The following CDC42BPA variants were observed in gnomAD, a reference collection of about 807,000 sequenced individuals.
The protein encoded by CDC42BPA is CDC42 binding protein kinase alpha, also known as serine/threonine-protein kinase MRCK alpha.
A neutral mutation model predicts 223.5 loss-of-function variants in CDC42BPA; 80 were observed. The ratio of observed to expected loss-of-function variants is 0.36; its 90% CI spans 0.30 to 0.43. The LOEUF (loss-of-function observed/expected upper bound fraction) is 0.43. Among genes scored for constraint, CDC42BPA ranks in the 20% least tolerant of loss-of-function variants. CDC42BPA has a pLI of 1.00. For missense variants in CDC42BPA, 1,743 were observed against 2,099.9 expected (o/e 0.83, Z 3.32); for synonymous variants, 694 against 718.6 (o/e 0.97, Z 0.55).
chr1:227,022,600 G>A lies in CDC42BPA; in HGVS notation c.4615+663C>T, dbSNP rs142318543. Among the ~76,000 whole-genome samples the A allele has an allele frequency of 1.3e-3, 192 of 152,240 alleles. 1 individual carries two copies. The highest frequency in any genetic ancestry group is 2.3e-3 in the Non-Finnish European group (154 of 68,022). ...AGAAGAGGGCACTATAATAATGTTCGTTAAAAGTGAGACTTTAACTGTTTG... is the reference window on the plus strand; with the variant it reads ...AGAAGAGGGCACTATAATAATGTTCATTAAAAGTGAGACTTTAACTGTTTG... On this transcript the variant is annotated intron_variant, in intron 32 of 36. Transcript: ENST00000366766.
At chr1:227,239,855 G>A (rs1679722702) in intron 2 of CDC42BPA, among the ~76,000 whole-genome samples, 1 of 152,036 alleles carries the variant, frequency 6.6e-6, no homozygotes, top group South Asian at 2.1e-4. Flanking sequence ...CCTCAGTTCA[G>A]GAATAAGGTA....
intron 5 of CDC42BPA, among the ~76,000 whole-genome samples, chr1:227,179,091 T>C (rs1667461533): frequency 1.3e-5 from 2 of 152,218 alleles, no homozygotes; most frequent in South Asian, 2.1e-4. Context: ...CCGCGTGTTA[T>C]ATGATTTCAT....
chr1:227,080,991 A>G lies in CDC42BPA; in HGVS notation c.2382T>C (p.Ser794=). ...CTTCTTCTAACTGCTGGTTGTGTAT[A>G]CTTAAGTTCTCATACAAAGTAGTAA... is the stretch of plus-strand genomic sequence containing the variant. ...DKLTTLYENL[S]IHNQQLEEEV... The change falls in exon 17 of 37, where the codon AGT becomes AGC. Residue 794 remains serine (S), a synonymous_variant. Coordinates refer to ENST00000366766, the MANE Select transcript of CDC42BPA (RefSeq NM_001394014.1). 1 of 1,613,584 alleles carries G rather than the reference A, an allele frequency of 6.2e-7. No individual in the cohort carries two copies. Among genetic ancestry groups the G allele is most frequent in the Non-Finnish European group, 8.5e-7 (1 of 1,179,710 alleles).
intron 2 of CDC42BPA, among the ~76,000 whole-genome samples, chr1:227,242,113 CTGTAA>C (rs1040738291): frequency 6.6e-6 from 1 of 152,008 alleles, no homozygotes; most frequent in Non-Finnish European, 1.5e-5. Context: ...TTCTATAGTA[CTGTAA>C]TATTGGTATA....
intron 2 of CDC42BPA, among the ~76,000 whole-genome samples, chr1:227,246,288 T>G (rs938447538): frequency 6.6e-6 from 1 of 152,226 alleles, no homozygotes; most frequent in Non-Finnish European, 1.5e-5. Flanking sequence ...AGCACAGACG[T>G]AGTAAAAATA....
At chr1:227,166,819 AG>A (rs1287087265) in intron 5 of CDC42BPA, among the ~76,000 whole-genome samples, 17 of 152,262 alleles carry the variant, frequency 1.1e-4, no homozygotes, top group African/African-American at 3.4e-4. Flanking sequence ...TGAGTAAAGA[AG>A]GCTCTTAATT....
At chr1:227,106,628 A>C (rs1228103723) in intron 14 of CDC42BPA, among the ~76,000 whole-genome samples, 1 of 152,086 alleles carries the variant, frequency 6.6e-6, no homozygotes, top group African/African-American at 2.4e-5. Flanking sequence ...GATTGGTGTT[A>C]ATTCTTCTTT....
At chr1:227,037,995 T>C (rs754236874) in intron 24 of CDC42BPA, among the ~76,000 whole-genome samples, 10 of 152,174 alleles carry the variant, frequency 6.6e-5, no homozygotes, top group Non-Finnish European at 1.5e-4. Context: ...GTGAAATCAT[T>C]GATGCTTTAC....
At chr1:227,278,960 C>G (rs1297432876) in intron 1 of CDC42BPA, among the ~76,000 whole-genome samples, 1 of 151,104 alleles carries the variant, frequency 6.6e-6, no homozygotes, top group Non-Finnish European at 1.5e-5. Context: ...AGGCTTAAAA[C>G]CAATAACATC....
intron 5 of CDC42BPA, among the ~76,000 whole-genome samples, chr1:227,165,189 C>T (rs1664814317): frequency 6.6e-6 from 1 of 152,098 alleles, no homozygotes; most frequent in South Asian, 2.1e-4. Flanking sequence ...CCCTCCAGAA[C>T]TACAGTAAAA....
intron 20 of CDC42BPA, among the ~76,000 whole-genome samples, chr1:227,070,823 A>G (rs1289304228): frequency 6.6e-6 from 1 of 151,754 alleles, no homozygotes; most frequent in Non-Finnish European, 1.5e-5. Context: ...GCTGTGGTAA[A>G]CATGCCTTCA....
At chr1:227,214,311 A>G (rs1034984345) in intron 2 of CDC42BPA, among the ~76,000 whole-genome samples, 1 of 152,188 alleles carries the variant, frequency 6.6e-6, no homozygotes, top group Non-Finnish European at 1.5e-5. Flanking sequence ...CCATATAATT[A>G]CAGTAAGTGT....
intron 22 of CDC42BPA, among the ~76,000 whole-genome samples, chr1:227,049,951 G>GAGA (rs111902545): frequency 0.28 from 42,947 of 151,758 alleles, 6,261 homozygotes; most frequent in African/African-American, 0.35. Context: ...TCTCTGCATA[G>GAGA]AGAACTGTTT....
Position 227,271,267 on chromosome 1 carries a change from G to C in CDC42BPA, c.179-17112C>G, listed in dbSNP as rs12409607. Among the ~76,000 whole-genome samples the C allele has an allele frequency of 2.4e-3, 364 of 152,222 alleles. 5 individuals are homozygous for C. Among genetic ancestry groups the C allele is most frequent in the Non-Finnish European group, 3.9e-3 (265 of 68,010 alleles). On this transcript the variant is annotated intron_variant, in intron 1 of 36. Transcript: ENST00000366766. The stretch of plus-strand genomic sequence containing the variant: ...GAGCAAGATCTAATGGTGAGCTAAT[G>C]ACACAGCTAAAGAAAGTACGTGGCC...
intron 2 of CDC42BPA, among the ~76,000 whole-genome samples, chr1:227,253,206 AAGAGAGAGGAG>A (rs1359229616): frequency 1.3e-5 from 2 of 151,928 alleles, no homozygotes; most frequent in Admixed American, 6.6e-5. Context: ...GAGACAAGAG[AAGAGAGAGGAG>A]AGAGAGAGGA....
At chr1:227,259,732 T>C (rs1484858616) in intron 1 of CDC42BPA, among the ~76,000 whole-genome samples, 1 of 151,102 alleles carries the variant, frequency 6.6e-6, no homozygotes, top group African/African-American at 2.5e-5. Flanking sequence ...ATGACACTGC[T>C]AGCTCAGAGA....
intron 30 of CDC42BPA, among the ~76,000 whole-genome samples, chr1:227,026,382 T>C (rs1668257605): frequency 6.6e-6 from 1 of 152,194 alleles, no homozygotes; most frequent in Non-Finnish European, 1.5e-5. Context: ...TATAGACGGA[T>C]TCTGTAAACA....
chr1:227,132,415 A>C (rs1259465323), intron 10 of CDC42BPA, among the ~76,000 whole-genome samples: 2 of 150,384 alleles, frequency 1.3e-5, no homozygotes, highest in Non-Finnish European at 3.0e-5. Flanking sequence ...TTGCAGACGG[A>C]GTCTCGTTCA....
In CDC42BPA at chr1:227,297,961, TAC is replaced by T. The variant is rs202216465; in HGVS notation, c.178+19042_178+19043del. Among the ~76,000 whole-genome samples, 379 of 96,068 alleles carry T rather than the reference TAC, an allele frequency of 3.9e-3. 9 individuals carry two copies. In the East Asian group the frequency reaches 0.081, roughly 21 times the overall value. The allele number at this position is 96,068 out of a possible 152,430, so 63.0% of individuals were successfully genotyped here. On this transcript the variant is annotated intron_variant, in intron 1 of 36. Coordinates refer to ENST00000366766, the MANE Select transcript of CDC42BPA (RefSeq NM_001394014.1). ...TTTTATGTGTGTGTGTGTGTATATA[TAC>T]ATATACACACACACACACATATATA...
Sources: gnomAD v4.1 joint callset for allele counts (sites outside exome capture counted in the v4.1 genomes callset) on GRCh38, gnomAD v4.1.1 for gene constraint, MANE v1.5 for transcripts, NCBI Gene and HGNC (gene_info 2026-07-23, HGNC 2026-07-21) for gene names.